The following CFAP299 variants were observed in gnomAD, a reference collection of about 807,000 sequenced individuals.
The protein encoded by CFAP299 is cilia and flagella associated protein 299.
A neutral mutation model predicts 27.0 loss-of-function variants in CFAP299; 21 were observed. That is an observed-to-expected ratio of 0.78 (90% CI 0.55 to 1.12). CFAP299 has a LOEUF of 1.12. Among genes scored for constraint, CFAP299 ranks in the 50% most tolerant of loss-of-function variants. The pLI, the probability that CFAP299 is intolerant of heterozygous loss-of-function variation, is 0.00. For synonymous variants in CFAP299, 104 were observed against 98.1 expected (o/e 1.06, Z -0.36); for missense variants, 310 against 276.6 (o/e 1.12, Z -0.86).
intron 3 of CFAP299, among the ~76,000 whole-genome samples, chr4:80,791,101 T>C (rs996368563): frequency 1.3e-5 from 2 of 152,022 alleles, no homozygotes; most frequent in Non-Finnish European, 1.5e-5. Context: ...CTCTTAACCA[T>C]CTTCAAAGAA....
intron 5 of CFAP299, among the ~76,000 whole-genome samples, chr4:80,955,884 C>T (rs1327590537): frequency 6.6e-6 from 1 of 152,058 alleles, no homozygotes; most frequent in Non-Finnish European, 1.5e-5. Context: ...CCTATAATCC[C>T]AGATACTCAG....
intron 2 of CFAP299, among the ~76,000 whole-genome samples, chr4:80,493,098 C>T (rs1206109882): frequency 1.3e-5 from 2 of 152,198 alleles, no homozygotes; most frequent in South Asian, 2.1e-4. Context: ...ATGCTTGACA[C>T]AGTCTTTTGC....
rs535536119 is a variant in CFAP299 at position 80,434,898 on chromosome 4, C to A, written c.242+72014C>A. ...TAGAAGGCACTCCACAAGCTGAGAC[C>A]AAACATTAGGGAAAATCACAGGAAA... On this transcript the variant is annotated intron_variant, in intron 2 of 5. Coordinates refer to ENST00000358105, the MANE Select transcript of CFAP299 (RefSeq NM_152770.3). Among the ~76,000 whole-genome samples the A allele has an allele frequency of 1.8e-4, 28 of 152,224 alleles. No individual in the cohort carries two copies. The South Asian group carries it at 5.8e-3, about 32-fold the overall frequency.
rs1339201630 is a variant in CFAP299 at position 80,591,104 on chromosome 4, A to ATTTTTTTTTTTTT, written c.333+7921_333+7922insTTTTTTTTTTTTT. Among the ~76,000 whole-genome samples, 24 of 116,530 alleles carry ATTTTTTTTTTTTT rather than the reference A, an allele frequency of 2.1e-4. 3 individuals carry two copies. The highest frequency in any genetic ancestry group is 4.6e-4 in the Admixed American group (5 of 10,846). The allele number at this position is 116,530 out of a possible 152,430, so 76.4% of individuals were successfully genotyped here. ...AGAAACAGATTATAATACTTTAGGA[A>ATTTTTTTTTTTTT]ATTTTTTTTTTTTTTTTTTTTTTTT... On this transcript the variant is annotated intron_variant, in intron 3 of 5. Coordinates refer to ENST00000358105, the MANE Select transcript of CFAP299 (RefSeq NM_152770.3).
chr4:80,881,208 C>T (rs1733687327), intron 4 of CFAP299, among the ~76,000 whole-genome samples: 1 of 152,158 alleles, frequency 6.6e-6, no homozygotes, highest in Non-Finnish European at 1.5e-5. Flanking sequence ...TGGCAGAGCC[C>T]AGTTCCAAGG....
intron 4 of CFAP299, among the ~76,000 whole-genome samples, chr4:80,902,509 T>C (rs1560469800): frequency 6.9e-6 from 1 of 145,786 alleles, no homozygotes. Flanking sequence ...TGGATATATA[T>C]CCATATGTAT....
chr4:80,768,437 C>A (rs972307396), intron 3 of CFAP299, among the ~76,000 whole-genome samples: 31 of 152,152 alleles, frequency 2.0e-4, no homozygotes, highest in African/African-American at 7.2e-4. Flanking sequence ...AGATACTTTA[C>A]AAAACATTTT....
chr4:80,810,098 GT>G (rs1432796198), intron 3 of CFAP299, among the ~76,000 whole-genome samples: 3 of 151,984 alleles, frequency 2.0e-5, no homozygotes. Context: ...TAGTGTTCTT[GT>G]TGTTTATTGG....
intron 3 of CFAP299, among the ~76,000 whole-genome samples, chr4:80,603,939 T>C (rs971789917): frequency 6.6e-6 from 1 of 152,132 alleles, no homozygotes; most frequent in Non-Finnish European, 1.5e-5. Flanking sequence ...TCTCGCTCTT[T>C]AAAATAAATT....
intron 2 of CFAP299, among the ~76,000 whole-genome samples, chr4:80,454,258 T>A (rs1247311904): frequency 6.6e-6 from 1 of 152,098 alleles, no homozygotes; most frequent in Non-Finnish European, 1.5e-5. Flanking sequence ...AAAGCATAAG[T>A]GAATCATGAG....
intron 4 of CFAP299, among the ~76,000 whole-genome samples, chr4:80,937,298 CTTTTTTTTTCTTTCTTT>C (rs1736943278): frequency 2.1e-5 from 2 of 94,360 alleles, no homozygotes; most frequent in African/African-American, 9.4e-5. Flanking sequence ...TTTCTTTTTT[CTTTTTTTTTCTTTCTTT>C]TTTTTTTTTT....
intron 3 of CFAP299, among the ~76,000 whole-genome samples, chr4:80,733,520 T>A (rs1415743986): frequency 2.0e-5 from 3 of 152,142 alleles, no homozygotes; most frequent in African/African-American, 7.2e-5. Flanking sequence ...TTGACTATAG[T>A]CACATATTGT....
intron 3 of CFAP299, among the ~76,000 whole-genome samples, chr4:80,686,097 T>C (rs1317832899): frequency 1.3e-5 from 2 of 152,000 alleles, no homozygotes; most frequent in Non-Finnish European, 1.5e-5. Context: ...AGCATACATG[T>C]TGAAGATTAA....
intron 2 of CFAP299, among the ~76,000 whole-genome samples, chr4:80,497,200 T>A (rs114979016): frequency 0.012 from 1,766 of 152,186 alleles, 32 homozygotes; most frequent in African/African-American, 0.039. Flanking sequence ...AGCTCAGGAG[T>A]TCAAGGCTGC....
chr4:80,890,448 C>T (rs1734208710), intron 4 of CFAP299, among the ~76,000 whole-genome samples: 1 of 152,068 alleles, frequency 6.6e-6, no homozygotes, highest in African/African-American at 2.4e-5. Context: ...ACAATGAAAA[C>T]CTATAAAAGA....
intron 2 of CFAP299, among the ~76,000 whole-genome samples, chr4:80,399,859 T>C (rs1726044606): frequency 6.6e-6 from 1 of 152,098 alleles, no homozygotes; most frequent in Non-Finnish European, 1.5e-5. Flanking sequence ...AATTTAAATG[T>C]TGTGACCATT....
At chr4:80,329,418 C>A in the CFAP299 span, among the ~76,000 whole-genome samples, 2 of 152,026 alleles carry the variant, frequency 1.3e-5, no homozygotes, top group African/African-American at 4.8e-5. Flanking sequence ...TGGTTGCACT[C>A]TCAAAGCCTA....
At chr4:80,515,331 G>T (rs1732527071) in intron 2 of CFAP299, among the ~76,000 whole-genome samples, 1 of 152,066 alleles carries the variant, frequency 6.6e-6, no homozygotes. Flanking sequence ...ACCCCACTAT[G>T]TTGTTACAGA....
intron 2 of CFAP299, among the ~76,000 whole-genome samples, chr4:80,369,473 C>G (rs139107935): frequency 3.3e-4 from 50 of 152,262 alleles, no homozygotes; most frequent in Middle Eastern, 3.4e-3. Context: ...GCCCTGAGGC[C>G]CTTATCATCC....
Sources: allele counts gnomAD v4.1 joint callset (sites outside exome capture counted in the v4.1 genomes callset), GRCh38; gene constraint gnomAD v4.1.1; transcripts MANE v1.5; gene names NCBI Gene and HGNC (gene_info 2026-07-23, HGNC 2026-07-21).